The following STAT4 variants were observed in gnomAD, a reference collection of about 807,000 sequenced individuals.
STAT4 encodes signal transducer and activator of transcription 4.
A neutral mutation model predicts 110.5 loss-of-function variants in STAT4; 42 were observed. The ratio of observed to expected loss-of-function variants is 0.38; its 90% CI spans 0.30 to 0.49. The LOEUF (loss-of-function observed/expected upper bound fraction) is 0.49. Among genes scored for constraint, STAT4 ranks in the 20% least tolerant of loss-of-function variants. The probability of loss-of-function intolerance (pLI) is 0.95; values close to 1 mark genes in which losing one functional copy is unlikely to be tolerated. For synonymous variants in STAT4, 284 were observed against 302.2 expected (o/e 0.94, Z 0.63); for missense variants, 632 against 887.9 (o/e 0.71, Z 3.66).
At chr2:191,126,889 G>A (rs991033088) in intron 3 of STAT4, among the ~76,000 whole-genome samples, 2 of 152,068 alleles carry the variant, frequency 1.3e-5, no homozygotes, top group African/African-American at 2.4e-5. Context: ...GCATGATCAC[G>A]GGTCACTGCA....
At chr2:191,139,527 T>G (rs1468997639) in intron 3 of STAT4, among the ~76,000 whole-genome samples, 2 of 152,024 alleles carry the variant, frequency 1.3e-5, no homozygotes. Flanking sequence ...AAAGAAATAC[T>G]TGGGAATATA....
At chr2:191,125,881 G>C (rs1698868436) in intron 3 of STAT4, among the ~76,000 whole-genome samples, 1 of 152,148 alleles carries the variant, frequency 6.6e-6, no homozygotes, top group Non-Finnish European at 1.5e-5. Context: ...AGTAATGAAA[G>C]GTCAGAGGGT....
rs1339588100 is a variant in STAT4, at chr2:191,113,631, C to T, written c.273+32982G>A. ...CATTAGGGCCAAATTTGTCTTTTGT[C>T]ATCATGCGGAAGAAAGATTAAAAAG... On this transcript the variant is annotated intron_variant, in intron 3 of 23. Coordinates refer to ENST00000392320, the MANE Select transcript of STAT4 (RefSeq NM_003151.4). The surrounding 1 kb of genome is among the most constrained non-coding windows in gnomAD (Gnocchi z 4.8). 6.6e-6 allele frequency among the ~76,000 whole-genome samples: 1 copy of T among 152,112 alleles called. No individual in the cohort carries two copies. The highest frequency in any genetic ancestry group is 1.5e-5 in the Non-Finnish European group (1 of 68,018).
Position 191,039,161 on chromosome 2 carries a change from A to G in STAT4, c.1434+38T>C. ...TGTTTGTTGGCAATAAAACAAATCG[A>G]ATAGCATTAAAGAAGTTGAGGTAGA... On this transcript the variant is annotated intron_variant, in intron 16 of 23. Coordinates refer to ENST00000392320, the MANE Select transcript of STAT4 (RefSeq NM_003151.4). This position sits in a 1 kb window ranked among gnomAD's most constrained non-coding sequence, Gnocchi z 4.7. The G allele has an allele frequency of 6.3e-7, 1 of 1,577,546 alleles. No individual in the cohort carries two copies.
chr2:191,083,691 C>T lies in STAT4; in HGVS notation c.274-7366G>A, dbSNP rs1162204601. On this transcript the variant is annotated intron_variant, in intron 3 of 23. Transcript: ENST00000392320. The surrounding 1 kb of genome is among the most constrained non-coding windows in gnomAD (Gnocchi z 4.6). ...GCAACCTACTGCGTACTTCTGGTTG[C>T]CAACTAGCTCTCTCTCCCTTTGCAT... 1.3e-5 allele frequency among the ~76,000 whole-genome samples: 2 copies of T among 152,086 alleles called. No homozygotes were observed. The highest frequency in any genetic ancestry group is 6.5e-5 in the Admixed American group (1 of 15,270).
rs1475619081 is a variant in STAT4, at chr2:191,117,716, A to G, written c.273+28897T>C. Among the ~76,000 whole-genome samples the G allele has an allele frequency of 1.3e-5, 2 of 152,034 alleles. No individual in the cohort carries two copies. The highest frequency in any genetic ancestry group is 4.8e-5 in the African/African-American group (2 of 41,398). Reference sequence around the variant, plus strand: ...AGAGTCCATTCTAAGAATACAAAATACCCACATCCTAAATCCACCATTGCT... The same window carrying G: ...AGAGTCCATTCTAAGAATACAAAATGCCCACATCCTAAATCCACCATTGCT... On this transcript the variant is annotated intron_variant, in intron 3 of 23. Coordinates refer to ENST00000392320, the MANE Select transcript of STAT4 (RefSeq NM_003151.4). This position sits in a 1 kb window ranked among gnomAD's most constrained non-coding sequence, Gnocchi z 5.2.
chr2:191,125,165 T>A (rs1266106094), intron 3 of STAT4, among the ~76,000 whole-genome samples: 1 of 152,198 alleles, frequency 6.6e-6, no homozygotes, highest in Non-Finnish European at 1.5e-5. Context: ...GAAAGGCAGC[T>A]GTTTTTTTAA....
intron 3 of STAT4, among the ~76,000 whole-genome samples, chr2:191,111,924 C>A (rs1020928411): frequency 1.3e-5 from 2 of 151,934 alleles, no homozygotes; most frequent in Non-Finnish European, 2.9e-5. Flanking sequence ...GAAAATGCAC[C>A]CTAATCTATG....
In STAT4 at chr2:191,037,476, A is replaced by G. The variant is rs573890931; in HGVS notation, c.1435-1177T>C. 2.6e-5 allele frequency among the ~76,000 whole-genome samples: 4 copies of G among 152,312 alleles called. No homozygotes were observed. In the East Asian group the frequency reaches 7.7e-4, roughly 29 times the overall value. ...GCTAAATAAGAGAATATTCTGTGTG[A>G]TCGACTACAAACGAGATTGTGCCAG... On this transcript the variant is annotated intron_variant, in intron 16 of 23. Coordinates refer to ENST00000392320, the MANE Select transcript of STAT4 (RefSeq NM_003151.4). The surrounding 1 kb of genome is among the most constrained non-coding windows in gnomAD (Gnocchi z 4.8).
Position 191,099,756 on chromosome 2 carries a change from A to G in STAT4, c.274-23431T>C, listed in dbSNP as rs1442854807. Among the ~76,000 whole-genome samples the G allele has an allele frequency of 1.3e-5, 2 of 152,120 alleles. No individual in the cohort carries two copies. Among genetic ancestry groups the G allele is most frequent in the Non-Finnish European group, 2.9e-5 (2 of 67,994 alleles). On this transcript the variant is annotated intron_variant, in intron 3 of 23. Transcript: ENST00000392320. The surrounding 1 kb of genome is among the most constrained non-coding windows in gnomAD (Gnocchi z 4.1). ...TTGACTGTTAATACGGATGTCTTTG[A>G]AGGTAGTGGTGTGGATGGAGGTAAG...
Position 191,116,487 on chromosome 2 carries a change from A to G in STAT4, c.273+30126T>C, listed in dbSNP as rs905973170. ...GCCTAGAAAATAATCTTCTAATAAA[A>G]TCAGTGTAGATTTACAATAAGTTAA... On this transcript the variant is annotated intron_variant, in intron 3 of 23. Coordinates refer to ENST00000392320, the MANE Select transcript of STAT4 (RefSeq NM_003151.4). This position sits in a 1 kb window ranked among gnomAD's most constrained non-coding sequence, Gnocchi z 4.1. 1.3e-5 allele frequency among the ~76,000 whole-genome samples: 2 copies of G among 152,210 alleles called. No individual in the cohort carries two copies. Among genetic ancestry groups the G allele is most frequent in the African/African-American group, 4.8e-5 (2 of 41,448 alleles).
At chr2:191,034,371 C>T (rs929449832) in intron 18 of STAT4, among the ~76,000 whole-genome samples, 177 bp downstream of exon 18, 3 of 149,164 alleles carry the variant, frequency 2.0e-5, no homozygotes, top group African/African-American at 5.0e-5. Flanking sequence ...TGCAGTGAGC[C>T]GAGATTGCGC....
At chr2:191,063,354 A>G (rs1365886622) in intron 8 of STAT4, among the ~76,000 whole-genome samples, 1 of 152,256 alleles carries the variant, frequency 6.6e-6, no homozygotes, top group Non-Finnish European at 1.5e-5. Flanking sequence ...AAAGAAAAAC[A>G]TATGTAACCG....
chr2:191,128,187 G>A (rs556307305), intron 3 of STAT4, among the ~76,000 whole-genome samples: 4 of 152,310 alleles, frequency 2.6e-5, no homozygotes, highest in East Asian at 1.9e-4. Flanking sequence ...GGGGAATTGG[G>A]GAAATAACTG....
intron 3 of STAT4, among the ~76,000 whole-genome samples, chr2:191,097,597 T>G (rs112146812): frequency 0.068 from 10,347 of 152,234 alleles, 433 homozygotes; most frequent in Middle Eastern, 0.12. Flanking sequence ...ATCCCTTCCT[T>G]ACACCTTACA....
chr2:191,101,925 T>G (rs1019360070), intron 3 of STAT4, among the ~76,000 whole-genome samples: 2 of 152,118 alleles, frequency 1.3e-5, no homozygotes, highest in African/African-American at 4.8e-5. Context: ...CTCATTTCTA[T>G]TTTATTATTA....
At chr2:191,057,423 C>G (rs184780802) in intron 13 of STAT4, among the ~76,000 whole-genome samples, 2 of 152,216 alleles carry the variant, frequency 1.3e-5, no homozygotes, top group East Asian at 3.9e-4. Context: ...TTGTAATTAT[C>G]AGCAAAATAT....
At chr2:191,128,500 T>C (rs958665992) in intron 3 of STAT4, among the ~76,000 whole-genome samples, 1 of 152,254 alleles carries the variant, frequency 6.6e-6, no homozygotes, top group Non-Finnish European at 1.5e-5. Context: ...CTTTACCTTG[T>C]CATTAAAAAT....
chr2:191,104,185 T>C lies in STAT4; in HGVS notation c.274-27860A>G, dbSNP rs1353965700. Among the ~76,000 whole-genome samples, 1 of 152,192 alleles carries C rather than the reference T, an allele frequency of 6.6e-6. No individual in the cohort carries two copies. The highest frequency in any genetic ancestry group is 1.9e-4 in the East Asian group (1 of 5,208). On this transcript the variant is annotated intron_variant, in intron 3 of 23. Coordinates refer to ENST00000392320, the MANE Select transcript of STAT4 (RefSeq NM_003151.4). The surrounding 1 kb of genome is among the most constrained non-coding windows in gnomAD (Gnocchi z 4.3). ...AAAGTATCAACAGTGGTTGCAAATC[T>C]GGATGATAGAATTATGGATAAATAT...
Sources: gnomAD v4.1 joint callset for allele counts (sites outside exome capture counted in the v4.1 genomes callset) on GRCh38, gnomAD v4.1.1 for gene constraint, Gnocchi (gnomAD v3.1) non-coding constraint, MANE v1.5 for transcripts, NCBI Gene and HGNC (gene_info 2026-07-23, HGNC 2026-07-21) for gene names.